MTR: variants seen among roughly 807,000 people sequenced by gnomAD.
The protein encoded by MTR is 5-methyltetrahydrofolate-homocysteine methyltransferase, also known as methionine synthase.
Under a neutral mutation model 154.8 loss-of-function variants are expected in MTR, and 84 were observed. That is an observed-to-expected ratio of 0.54 (90% confidence interval 0.45 to 0.65). The LOEUF is 0.65. Ranked by LOEUF, MTR falls within the 30% of genes least tolerant of loss-of-function variation. The pLI is 0.00. For synonymous variants in MTR, 554 were observed against 553.9 expected (o/e 1.00, Z 0.00); for missense variants, 1,275 against 1,570.2 (o/e 0.81, Z 3.18).
intron 21 of MTR, 137 bp downstream of exon 21, chr1:236,862,480 C>T (rs564279563): frequency 3.8e-5 from 27 of 709,478 alleles, no homozygotes; most frequent in African/African-American, 3.2e-4. Context: ...CCACATCTCT[C>T]CCTTTTTTAA....
intron 13 of MTR, among the ~76,000 whole-genome samples, chr1:236,834,628 T>TA (rs1208007607): frequency 2.6e-5 from 4 of 151,166 alleles, no homozygotes; most frequent in South Asian, 2.1e-4. Context: ...TTCCTTGGGC[T>TA]AAAAAAAAAT....
At chr1:236,822,148 ATATCT>A (rs1192367797) in intron 8 of MTR, among the ~76,000 whole-genome samples, 18 of 152,156 alleles carry the variant, frequency 1.2e-4, no homozygotes, top group African/African-American at 4.1e-4. Context: ...GTGAGAAATG[ATATCT>A]TAACAATATT....
intron 6 of MTR, among the ~76,000 whole-genome samples, chr1:236,813,066 A>AATATTTTC (rs1192236348): frequency 6.6e-6 from 1 of 152,230 alleles, no homozygotes. Context: ...TATGAAAATA[A>AATATTTTC]ATATTTTCAT....
intron 24 of MTR, among the ~76,000 whole-genome samples, chr1:236,880,367 G>T (rs559052339): frequency 1.3e-5 from 2 of 152,206 alleles, no homozygotes; most frequent in East Asian, 3.9e-4. Context: ...TAGGGGCCCT[G>T]GCTGCTGTCC....
intron 13 of MTR, among the ~76,000 whole-genome samples, chr1:236,834,681 T>C (rs1662803566): frequency 6.6e-6 from 1 of 152,228 alleles, no homozygotes; most frequent in African/African-American, 2.4e-5. Context: ...TCCTTGCTTA[T>C]TTCATTACAC....
At chr1:236,796,010 A>G (rs1660363123) in intron 1 of MTR, among the ~76,000 whole-genome samples, 1 of 151,494 alleles carries the variant, frequency 6.6e-6, no homozygotes. Context: ...TCTTAACGTC[A>G]CAGTAACTAA....
At chr1:236,852,905 A>G (rs752093334) in intron 17 of MTR, 43 bp from the exon 18 acceptor site, 6 of 1,611,402 alleles carry the variant, frequency 3.7e-6, no homozygotes, top group Middle Eastern at 3.3e-4. Flanking sequence ...CGCTGACTTA[A>G]GGTATCACTG....
At chr1:236,875,100 T>C (rs2147882982) in intron 24 of MTR, among the ~76,000 whole-genome samples, 1 of 152,362 alleles carries the variant, frequency 6.6e-6, no homozygotes, top group South Asian at 2.1e-4. Context: ...ATAATCTTTT[T>C]CTTAACACTC....
chr1:236,826,289 A>G (rs1662283809), intron 10 of MTR, among the ~76,000 whole-genome samples: 1 of 152,132 alleles, frequency 6.6e-6, no homozygotes, highest in African/African-American at 2.4e-5. Context: ...CTCCCACTGA[A>G]CTTTATTTTT....
intron 1 of MTR, among the ~76,000 whole-genome samples, chr1:236,798,907 G>C (rs1405097375): frequency 3.3e-5 from 5 of 152,182 alleles, no homozygotes; most frequent in Admixed American, 6.5e-5. Flanking sequence ...AGCAAGTTCT[G>C]ATAGTAATTG....
intron 15 of MTR, among the ~76,000 whole-genome samples, chr1:236,844,173 G>A (rs992554162): frequency 3.9e-5 from 6 of 152,154 alleles, no homozygotes; most frequent in African/African-American, 1.4e-4. Flanking sequence ...GAAGCCAAGT[G>A]AAGAACAATC....
intron 1 of MTR, chr1:236,800,079 T>A (rs947365348): frequency 2.0e-5 from 20 of 985,104 alleles, no homozygotes; most frequent in Non-Finnish European, 2.3e-5. Context: ...GGGAATACAG[T>A]AAGGGCCCCA....
intron 18 of MTR, among the ~76,000 whole-genome samples, chr1:236,856,980 C>T (rs980805058): frequency 1.6e-4 from 24 of 152,002 alleles, no homozygotes; most frequent in Admixed American, 5.9e-4. Flanking sequence ...TGAACAGTGC[C>T]GCAATAAACA....
chr1:236,856,134 C>T (rs1184113960), intron 18 of MTR, among the ~76,000 whole-genome samples: 1 of 152,150 alleles, frequency 6.6e-6, no homozygotes, highest in African/African-American at 2.4e-5. Context: ...TTGCTCCCTT[C>T]CCACCCCATA....
chr1:236,834,738 T>G (rs1662806272), intron 13 of MTR, among the ~76,000 whole-genome samples: 1 of 152,224 alleles, frequency 6.6e-6, no homozygotes, highest in African/African-American at 2.4e-5. Context: ...GTCTCTGCCT[T>G]GTTACTTAGA....
chr1:236,848,123 C>T (rs1044049272), intron 15 of MTR, among the ~76,000 whole-genome samples: 12 of 152,190 alleles, frequency 7.9e-5, no homozygotes, highest in Non-Finnish European at 1.5e-4. Context: ...ACAAGGGCTT[C>T]ATCCTTATGG....
At chr1:236,882,725 G>T (rs1312218534) in intron 25 of MTR, among the ~76,000 whole-genome samples, 1 of 152,198 alleles carries the variant, frequency 6.6e-6, no homozygotes, top group African/African-American at 2.4e-5. Flanking sequence ...AGAGCAGTGG[G>T]GGCCTTGCTG....
At chr1:236,835,429 C>G in intron 13 of MTR, 118 bp from the exon 14 acceptor site, 1 of 1,286,922 alleles carries the variant, frequency 7.8e-7, no homozygotes, top group South Asian at 1.2e-5. Flanking sequence ...GTCAGGGAGT[C>G]TGGCGAGGTA....
At chr1:236,814,163 C>T (rs1661461915) in intron 6 of MTR, among the ~76,000 whole-genome samples, 1 of 152,148 alleles carries the variant, frequency 6.6e-6, no homozygotes, top group Admixed American at 6.5e-5. Context: ...GATGACCACC[C>T]TACCTCATTC....
Sources: gnomAD v4.1 joint callset for allele counts (sites outside exome capture counted in the v4.1 genomes callset) on GRCh38, gnomAD v4.1.1 for gene constraint, MANE v1.5 for transcripts, NCBI Gene and HGNC (gene_info 2026-07-23, HGNC 2026-07-21) for gene names.